Variants in MACROD2 observed in about 807,000 individuals in gnomAD.
MACROD2 encodes ADP-ribose glycohydrolase MACROD2.
MACROD2 carries 36 observed loss-of-function variants against 70.4 expected under a neutral mutation model. That is an observed-to-expected ratio of 0.51 (90% CI 0.39 to 0.68). The LOEUF is 0.68. MACROD2 is among the 30% of genes least tolerant of loss of function. MACROD2 has a pLI of 0.00. For missense variants in MACROD2, 496 were observed against 538.4 expected (o/e 0.92, Z 0.78); for synonymous variants, 172 against 178.8 (o/e 0.96, Z 0.30).
chr20:14,084,060 T>TAA (rs1569151473), intron 2 of MACROD2, among the ~76,000 whole-genome samples: 1 of 784 alleles, frequency 1.3e-3, no homozygotes, highest in Non-Finnish European at 4.9e-3. Context: ...AGACTCCGTC[T>TAA]CAAAAAAAAA....
At chr20:14,642,957 A>G (rs1985177152) in intron 4 of MACROD2, among the ~76,000 whole-genome samples, 2 of 152,270 alleles carry the variant, frequency 1.3e-5, no homozygotes, top group Non-Finnish European at 2.9e-5. Context: ...AAAATGCAGT[A>G]TCCGTGGAGC....
chr20:14,089,022 T>A (rs1256665566), intron 3 of MACROD2, among the ~76,000 whole-genome samples: 1 of 152,232 alleles, frequency 6.6e-6, no homozygotes, highest in Non-Finnish European at 1.5e-5. Flanking sequence ...ATTATCTTGC[T>A]CTTGCCTAAA....
intron 5 of MACROD2, among the ~76,000 whole-genome samples, chr20:14,852,337 G>A (rs1199432885): frequency 6.6e-6 from 1 of 152,064 alleles, no homozygotes; most frequent in East Asian, 1.9e-4. Flanking sequence ...TCTTGATCTG[G>A]GGGTCACTGG....
intron 6 of MACROD2, among the ~76,000 whole-genome samples, chr20:15,299,930 G>A (rs1438018282): frequency 1.3e-5 from 2 of 152,190 alleles, no homozygotes; most frequent in Non-Finnish European, 2.9e-5. Flanking sequence ...AAGAGAGGAA[G>A]CTTTGAGTAG....
intron 4 of MACROD2, among the ~76,000 whole-genome samples, chr20:14,625,641 A>G (rs1255543861): frequency 6.6e-6 from 1 of 152,140 alleles, no homozygotes; most frequent in Non-Finnish European, 1.5e-5. Flanking sequence ...GCTGTTGCCA[A>G]ATGCCTAATC....
At chr20:14,972,798 C>G (rs1035563915) in intron 5 of MACROD2, among the ~76,000 whole-genome samples, 14 of 152,160 alleles carry the variant, frequency 9.2e-5, no homozygotes, top group Non-Finnish European at 1.3e-4. Context: ...AGATGCTTCA[C>G]TACTTTGAGT....
intron 8 of MACROD2, among the ~76,000 whole-genome samples, chr20:15,520,175 T>A (rs1172694808): frequency 6.6e-6 from 1 of 152,242 alleles, no homozygotes; most frequent in Non-Finnish European, 1.5e-5. Flanking sequence ...ACTGATCTAT[T>A]TTTTTCAGTT....
At chr20:15,483,207 A>C (rs1973682182) in intron 7 of MACROD2, among the ~76,000 whole-genome samples, 1 of 152,012 alleles carries the variant, frequency 6.6e-6, no homozygotes, top group Non-Finnish European at 1.5e-5. Flanking sequence ...TAAATTTAGG[A>C]CTATTATTAA....
chr20:15,124,885 A>C (rs1329508002), intron 5 of MACROD2, among the ~76,000 whole-genome samples: 1 of 151,936 alleles, frequency 6.6e-6, no homozygotes, highest in Non-Finnish European at 1.5e-5. Context: ...TGTTGAGTAA[A>C]GTCATGATGG....
At chr20:14,589,176 A>G (rs1290522896) in intron 4 of MACROD2, among the ~76,000 whole-genome samples, 2 of 152,138 alleles carry the variant, frequency 1.3e-5, no homozygotes, top group Non-Finnish European at 2.9e-5. Context: ...TGTTTTATGT[A>G]TATCTAATGA....
intron 5 of MACROD2, among the ~76,000 whole-genome samples, chr20:14,907,677 G>T (rs1044723231): frequency 5.3e-5 from 8 of 152,188 alleles, no homozygotes; most frequent in African/African-American, 1.9e-4. Flanking sequence ...TTAGGATATT[G>T]TGCAGAATTA....
rs142498914 is a variant in MACROD2 at position 14,216,859 on chromosome 20, G to A, written c.271+131131G>A. Among the ~76,000 whole-genome samples the A allele has an allele frequency of 4.2e-3, 634 of 152,222 alleles. 6 individuals carry two copies. The highest frequency in any genetic ancestry group is 0.041 in the Middle Eastern group (12 of 294). On this transcript the variant is annotated intron_variant, in intron 3 of 17. Coordinates refer to ENST00000684519, the MANE Select transcript of MACROD2 (RefSeq NM_001351661.2). ...CTACTGATTTGTGTACATTAATCTC[G>A]TATCTGGAAAATTTGCTGAATTCTT...
At chr20:15,258,070 A>T (rs938624272) in intron 6 of MACROD2, among the ~76,000 whole-genome samples, 1 of 151,758 alleles carries the variant, frequency 6.6e-6, no homozygotes, top group African/African-American at 2.4e-5. Flanking sequence ...AATACAAAAA[A>T]AGTTTATAGA....
chr20:15,996,891 C>T (rs1319279975), intron 15 of MACROD2, among the ~76,000 whole-genome samples: 1 of 152,082 alleles, frequency 6.6e-6, no homozygotes, highest in African/African-American at 2.4e-5. Context: ...TGGTATAAGA[C>T]AGAAGTATAA....
intron 2 of MACROD2, among the ~76,000 whole-genome samples, chr20:14,020,923 A>G (rs1048736201): frequency 2.0e-5 from 3 of 151,276 alleles, no homozygotes; most frequent in South Asian, 2.1e-4. Flanking sequence ...CTGAGCATGA[A>G]TCTTGCTTGG....
chr20:15,029,398 A>T (rs886511547), intron 5 of MACROD2, among the ~76,000 whole-genome samples: 2 of 152,198 alleles, frequency 1.3e-5, no homozygotes, highest in Non-Finnish European at 2.9e-5. Flanking sequence ...AAACTTTATC[A>T]TGAATTCTCC....
intron 5 of MACROD2, among the ~76,000 whole-genome samples, chr20:15,226,095 T>C (rs1182973390): frequency 2.0e-5 from 3 of 151,976 alleles, no homozygotes; most frequent in Non-Finnish European, 4.4e-5. Context: ...GATAGACGTG[T>C]ACAGAAGGAG....
intron 2 of MACROD2, among the ~76,000 whole-genome samples, chr20:14,075,261 C>T (rs1370761390): frequency 2.0e-5 from 3 of 152,232 alleles, no homozygotes; most frequent in Middle Eastern, 3.4e-3. Context: ...GCTTTGCTGT[C>T]GCATCTCAAT....
At chr20:15,674,754 TTGTG>T (rs3071296) in intron 8 of MACROD2, among the ~76,000 whole-genome samples, 56 of 148,708 alleles carry the variant, frequency 3.8e-4, no homozygotes, top group South Asian at 2.4e-3. Flanking sequence ...TGTGTGTGTG[TTGTG>T]TGTGTGTGTG....
Sources: gnomAD v4.1 joint callset for allele counts (sites outside exome capture counted in the v4.1 genomes callset) on GRCh38, gnomAD v4.1.1 for gene constraint, MANE v1.5 for transcripts, NCBI Gene and HGNC (gene_info 2026-07-23, HGNC 2026-07-21) for gene names.